XPO6: variants seen among roughly 807,000 people sequenced by gnomAD.
The protein encoded by XPO6 is exportin 6.
In XPO6, 3 loss-of-function variants were observed where a neutral mutation model predicts 130.0. That is an observed-to-expected ratio of 0.02 (90% CI 0.01 to 0.06). XPO6 has a LOEUF of 0.06. XPO6 is among the 10% of genes least tolerant of loss of function. XPO6 has a pLI of 1.00. For synonymous variants in XPO6, 524 were observed against 548.9 expected (o/e 0.95, Z 0.63); for missense variants, 970 against 1,393.0 (o/e 0.70, Z 4.83).
chr16:28,116,073 T>C (rs1316592853), intron 15 of XPO6, among the ~76,000 whole-genome samples: 1 of 152,272 alleles, frequency 6.6e-6, no homozygotes, highest in African/African-American at 2.4e-5. Flanking sequence ...AAGGCTGTTG[T>C]ACTTTCTCAT....
chr16:28,179,327 G>A (rs1415860456), intron 2 of XPO6: 1 of 152,176 alleles, frequency 6.6e-6, no homozygotes, highest in Non-Finnish European at 1.5e-5. Flanking sequence ...ACCTCCCAAA[G>A]TGCTGAGATT....
At chr16:28,163,655 TA>T (rs2043312157) in intron 6 of XPO6, among the ~76,000 whole-genome samples, 1 of 152,170 alleles carries the variant, frequency 6.6e-6, no homozygotes, top group Admixed American at 6.5e-5. Context: ...ATTCCTTTTT[TA>T]AAGTCAAGGA....
intron 12 of XPO6, 86 bp from the exon 13 acceptor site, chr16:28,125,934 C>A: frequency 6.7e-7 from 1 of 1,498,354 alleles, no homozygotes. Context: ...AAGCCACACA[C>A]AGCAAAACCA....
At chr16:28,160,870 A>C (rs957879766) in intron 6 of XPO6, among the ~76,000 whole-genome samples, 3 of 152,238 alleles carry the variant, frequency 2.0e-5, no homozygotes, top group Non-Finnish European at 4.4e-5. Context: ...TGTTAGCATA[A>C]CATTTTTAAA....
chr16:28,111,755 G>A, intron 17 of XPO6, 62 bp downstream of exon 17: 1 of 1,570,490 alleles, frequency 6.4e-7, no homozygotes, highest in Non-Finnish European at 8.7e-7. Flanking sequence ...AATCTCATCT[G>A]CCACAAAGAA....
intron 13 of XPO6, among the ~76,000 whole-genome samples, chr16:28,125,427 T>C (rs1384543870): frequency 1.3e-5 from 2 of 152,262 alleles, no homozygotes; most frequent in African/African-American, 2.4e-5. Flanking sequence ...TTTTGTTATG[T>C]GCTAGGCACA....
chr16:28,127,138 C>T (rs1041095498), intron 12 of XPO6, among the ~76,000 whole-genome samples: 3 of 152,198 alleles, frequency 2.0e-5, no homozygotes, highest in African/African-American at 7.2e-5. Context: ...ACTCAGCTCT[C>T]TCATGGCCTC....
In XPO6 at chr16:28,132,487, C is replaced by T. The variant is rs373918106; in HGVS notation, c.1537-84G>A. On this transcript the variant is annotated intron_variant, in intron 11 of 23. Transcript: ENST00000304658. This position sits in a 1 kb window ranked among gnomAD's most constrained non-coding sequence, Gnocchi z 4.0. ...GCATTTTAACATTACAACATTAACA[C>T]GTAACTATGGTGTGAGGAACAGGAT... is the stretch of plus-strand genomic sequence containing the variant. 3.3e-6 allele frequency: 3 copies of T among 897,788 alleles called. No homozygotes were observed. Among genetic ancestry groups the T allele is most frequent in the African/African-American group, 1.7e-5 (1 of 58,794 alleles). 55.6% of individuals were successfully genotyped at this position (897,788 alleles called of 1,614,324 possible).
chr16:28,157,122 A>C (rs957198337), intron 6 of XPO6, among the ~76,000 whole-genome samples: 1 of 152,204 alleles, frequency 6.6e-6, no homozygotes, highest in African/African-American at 2.4e-5. Context: ...CAAAAAAGAA[A>C]ACCTTAACAA....
rs111901517 is a variant in XPO6 at position 28,161,493 on chromosome 16, C to CA, written c.644-4967dup. Among the ~76,000 whole-genome samples the CA allele has an allele frequency of 3.3e-4, 48 of 147,144 alleles. No individual in the cohort carries two copies. In the South Asian group the frequency reaches 6.9e-3, roughly 21 times the overall value. ...CTTATCAAGTTGATTTATGAGGAGC[C>CA]AAAAAAAAGAAAAGTAGATTTAAAA... On this transcript the variant is annotated intron_variant, in intron 6 of 23. Transcript: ENST00000304658.
At chr16:28,152,907 A>T (rs2043120076) in intron 7 of XPO6, 122 bp from the exon 8 acceptor site, 1 of 1,420,358 alleles carries the variant, frequency 7.0e-7, no homozygotes, top group Non-Finnish European at 9.1e-7. Context: ...TCTTTTAAAA[A>T]TATAAAGGCC....
At chr16:28,166,360 T>C (rs546441935) in intron 6 of XPO6, 148 bp downstream of exon 6, 107 of 705,084 alleles carry the variant, frequency 1.5e-4, no homozygotes, top group Non-Finnish European at 2.0e-4. Context: ...AGTCTCACTA[T>C]GTTGCCCAGG....
chr16:28,197,975 A>AC (rs2043894242), intron 1 of XPO6, among the ~76,000 whole-genome samples: 2 of 120,336 alleles, frequency 1.7e-5, no homozygotes, highest in African/African-American at 2.7e-5. Context: ...AAAAAAAAAA[A>AC]AAAAAAAAAA....
intron 1 of XPO6, among the ~76,000 whole-genome samples, chr16:28,187,849 C>T (rs895652211): frequency 6.6e-6 from 1 of 151,862 alleles, no homozygotes; most frequent in African/African-American, 2.4e-5. Context: ...TGACTCTTTA[C>T]ATTTTCCCCT....
intron 5 of XPO6, chr16:28,167,087 C>A: frequency 1.0e-6 from 1 of 962,130 alleles, no homozygotes; most frequent in South Asian, 4.8e-5. Context: ...TTCACTCTCA[C>A]TGCTAGAGTG....
chr16:28,104,950 G>A (rs1385171073), intron 20 of XPO6, among the ~76,000 whole-genome samples: 1 of 152,262 alleles, frequency 6.6e-6, no homozygotes, highest in East Asian at 1.9e-4. Context: ...GGAGAGACAT[G>A]GCCCACATTT....
intron 6 of XPO6, among the ~76,000 whole-genome samples, chr16:28,166,164 T>C (rs748927367): frequency 6.6e-6 from 1 of 152,130 alleles, no homozygotes; most frequent in Non-Finnish European, 1.5e-5. Flanking sequence ...CCTGTTCCTA[T>C]GTCCTCTCCT....
chr16:28,166,851 C>CATG, intron 5 of XPO6: 1 of 980,784 alleles, frequency 1.0e-6, no homozygotes, highest in Non-Finnish European at 1.2e-6. Flanking sequence ...CTGGTTGCTG[C>CATG]ATGCACTCAC....
At chr16:28,141,904 G>A (rs574436459) in intron 9 of XPO6, among the ~76,000 whole-genome samples, 19 of 152,366 alleles carry the variant, frequency 1.2e-4, no homozygotes, top group East Asian at 9.7e-4. Context: ...AGCTTGCAGC[G>A]AGCCAAGATC....
Sources: gnomAD v4.1 joint callset for allele counts (sites outside exome capture counted in the v4.1 genomes callset) on GRCh38, gnomAD v4.1.1 for gene constraint, Gnocchi (gnomAD v3.1) non-coding constraint, MANE v1.5 for transcripts, NCBI Gene and HGNC (gene_info 2026-07-23, HGNC 2026-07-21) for gene names.